The following STK32B variants were observed in gnomAD, a reference collection of about 807,000 sequenced individuals.
The protein encoded by STK32B is serine/threonine-protein kinase 32B.
A neutral mutation model predicts 52.6 loss-of-function variants in STK32B; 43 were observed. The observed-to-expected ratio is 0.82, with a 90% CI of 0.64 to 1.05. The LOEUF (loss-of-function observed/expected upper bound fraction) is 1.05. Among genes scored for constraint, STK32B ranks in the 50% least tolerant of loss-of-function variants. The pLI is 0.00. For synonymous variants in STK32B, 238 were observed against 204.3 expected (o/e 1.17, Z -1.41); for missense variants, 621 against 534.6 (o/e 1.16, Z -1.59).
intron 3 of STK32B, among the ~76,000 whole-genome samples, chr4:5,187,448 C>A (rs1267201459): frequency 6.6e-6 from 1 of 152,210 alleles, no homozygotes; most frequent in East Asian, 1.9e-4. Flanking sequence ...GTGGATGTTA[C>A]TGTCTCGTTT....
intron 2 of STK32B, among the ~76,000 whole-genome samples, chr4:5,140,973 A>G (rs1044521409): frequency 6.6e-6 from 1 of 152,236 alleles, no homozygotes; most frequent in Admixed American, 6.5e-5. Context: ...TAAGTACATT[A>G]AAATACAGTA....
intron 11 of STK32B, among the ~76,000 whole-genome samples, chr4:5,481,153 G>A (rs780034169): frequency 3.7e-4 from 56 of 152,124 alleles, no homozygotes; most frequent in Non-Finnish European, 6.9e-4. Flanking sequence ...CTGAGGAATC[G>A]CGACACTGAC....
At chr4:5,333,079 C>T (rs1178994268) in intron 4 of STK32B, among the ~76,000 whole-genome samples, 1 of 148,584 alleles carries the variant, frequency 6.7e-6, no homozygotes, top group Non-Finnish European at 1.5e-5. Context: ...ACACTGACTT[C>T]CACAATGGTT....
At chr4:5,202,504 A>G (rs1044924588) in intron 3 of STK32B, among the ~76,000 whole-genome samples, 1 of 152,250 alleles carries the variant, frequency 6.6e-6, no homozygotes, top group African/African-American at 2.4e-5. Context: ...GCAGTGCCCC[A>G]GTGGGGACTC....
At position 5,489,631 on chromosome 4, in the gene STK32B, A is replaced by T. The variant is rs370765955; in HGVS notation, c.1107-9314A>T. On this transcript the variant is annotated intron_variant, in intron 11 of 11. Coordinates refer to ENST00000282908, the MANE Select transcript of STK32B (RefSeq NM_018401.3). ...TATTTTATTTTATTTATTTTTTATT[A>T]TTTTTTTTGAGATGGAGTCTTGCTT... Among the ~76,000 whole-genome samples, 454 of 151,108 alleles carry T rather than the reference A, an allele frequency of 3.0e-3. 10 individuals carry two copies. In the East Asian group the frequency reaches 0.036, roughly 12 times the overall value.
intron 3 of STK32B, among the ~76,000 whole-genome samples, chr4:5,193,088 C>T (rs956901348): frequency 1.9e-4 from 29 of 152,158 alleles, no homozygotes; most frequent in African/African-American, 6.5e-4. Flanking sequence ...CTTTATAAGG[C>T]CTGGCTGCCC....
At position 5,467,479 on chromosome 4, in the gene STK32B, C is replaced by G. The variant is rs914796640; in HGVS notation, c.1042-527C>G. Among the ~76,000 whole-genome samples the G allele has an allele frequency of 3.3e-5, 5 of 152,104 alleles. No homozygotes were observed. Among genetic ancestry groups the G allele is most frequent in the African/African-American group, 1.2e-4 (5 of 41,410 alleles). The stretch of plus-strand genomic sequence containing the variant: ...CTTCATATGGCCTTCATATAAGGAC[C>G]CCAGTCATTGGTCTTAGGGCCTACC... On this transcript the variant is annotated intron_variant, in intron 10 of 11. Transcript: ENST00000282908. The surrounding 1 kb of genome is among the most constrained non-coding windows in gnomAD (Gnocchi z 5.8).
At chr4:5,321,489 C>T (rs1245039056) in intron 3 of STK32B, among the ~76,000 whole-genome samples, 1 of 152,168 alleles carries the variant, frequency 6.6e-6, no homozygotes, top group African/African-American at 2.4e-5. Flanking sequence ...CCTTTGCTTT[C>T]TTTCCACTGC....
chr4:5,075,271 C>A (rs769478915), intron 1 of STK32B, among the ~76,000 whole-genome samples: 6 of 152,164 alleles, frequency 3.9e-5, no homozygotes, highest in Admixed American at 6.6e-5. Flanking sequence ...CAAATGTGAT[C>A]ATTCTGCCAT....
At chr4:5,022,247 C>T in the STK32B span, among the ~76,000 whole-genome samples, 10 of 152,128 alleles carry the variant, frequency 6.6e-5, no homozygotes, top group African/African-American at 2.2e-4. Flanking sequence ...ATCTGTTTCT[C>T]GGCACCCAGC....
intron 6 of STK32B, among the ~76,000 whole-genome samples, chr4:5,445,345 A>C (rs1715294110): frequency 6.6e-6 from 1 of 152,198 alleles, no homozygotes; most frequent in African/African-American, 2.4e-5. Flanking sequence ...AGACAGCTTT[A>C]ATCACAACAG....
At chr4:5,304,149 A>G (rs1348004434) in intron 3 of STK32B, among the ~76,000 whole-genome samples, 1 of 151,964 alleles carries the variant, frequency 6.6e-6, no homozygotes, top group Non-Finnish European at 1.5e-5. Flanking sequence ...TAGTCTTGCT[A>G]TGGCTATGCA....
intron 3 of STK32B, among the ~76,000 whole-genome samples, chr4:5,287,019 A>G (rs1251000676): frequency 6.6e-6 from 1 of 152,030 alleles, no homozygotes; most frequent in Non-Finnish European, 1.5e-5. Context: ...GCTGGCCTCT[A>G]ACTCCTGACC....
chr4:5,495,102 C>T (rs1437146866), intron 11 of STK32B, among the ~76,000 whole-genome samples: 1 of 152,096 alleles, frequency 6.6e-6, no homozygotes, highest in African/African-American at 2.4e-5. Flanking sequence ...CTCTGTATTT[C>T]GTGAATCTGA....
At chr4:5,026,495 T>C in the STK32B span, among the ~76,000 whole-genome samples, 5 of 152,322 alleles carry the variant, frequency 3.3e-5, no homozygotes, top group African/African-American at 1.2e-4. Flanking sequence ...AATCCCCTTA[T>C]AAAACCATCA....
chr4:5,289,720 T>G (rs887766644), intron 3 of STK32B, among the ~76,000 whole-genome samples: 2 of 135,246 alleles, frequency 1.5e-5, no homozygotes, highest in Non-Finnish European at 3.1e-5. Context: ...TTTTTTGCTA[T>G]TTTTAGTAGA....
chr4:5,420,157 C>G (rs948202624), intron 6 of STK32B, among the ~76,000 whole-genome samples: 3 of 152,170 alleles, frequency 2.0e-5, no homozygotes, highest in African/African-American at 7.2e-5. Flanking sequence ...GAGTCAGACC[C>G]AGGTCAATGT....
At chr4:5,123,269 C>A (rs1449087136) in intron 1 of STK32B, among the ~76,000 whole-genome samples, 1 of 152,140 alleles carries the variant, frequency 6.6e-6, no homozygotes, top group Non-Finnish European at 1.5e-5. Flanking sequence ...AAGTTTCCCC[C>A]ATTTCTTCAC....
chr4:5,228,670 A>G (rs73211105), intron 3 of STK32B, among the ~76,000 whole-genome samples: 2,575 of 152,166 alleles, frequency 0.017, 43 homozygotes, highest in Non-Finnish European at 0.028. Flanking sequence ...CCCAGGGCAT[A>G]TAAAAGTTAT....
Sources: allele counts gnomAD v4.1 joint callset (sites outside exome capture counted in the v4.1 genomes callset), GRCh38; gene constraint gnomAD v4.1.1; non-coding constraint Gnocchi (gnomAD v3.1); transcripts MANE v1.5; gene names NCBI Gene and HGNC (gene_info 2026-07-23, HGNC 2026-07-21).